WDPCP: variants seen among roughly 807,000 people sequenced by gnomAD.
WDPCP encodes the protein WD repeat containing planar cell polarity effector.
Under a neutral mutation model 93.1 loss-of-function variants are expected in WDPCP, and 71 were observed. That is an observed-to-expected ratio of 0.76 (90% confidence interval 0.63 to 0.93). WDPCP has a LOEUF of 0.93. Among genes scored for constraint, WDPCP ranks in the 40% least tolerant of loss-of-function variants. The pLI is 0.00. For synonymous variants in WDPCP, 315 were observed against 315.0 expected (o/e 1.00, Z 0.00); for missense variants, 844 against 887.4 (o/e 0.95, Z 0.62).
chr2:63,186,783 G>A (rs1279054268), intron 14 of WDPCP, among the ~76,000 whole-genome samples: 2 of 150,318 alleles, frequency 1.3e-5, no homozygotes, highest in Admixed American at 6.6e-5. Context: ...AGCACTATAT[G>A]ACTGTGCACT....
intron 13 of WDPCP, among the ~76,000 whole-genome samples, chr2:63,281,549 T>C (rs1683546463): frequency 6.6e-6 from 1 of 152,136 alleles, no homozygotes; most frequent in African/African-American, 2.4e-5. Flanking sequence ...AGTAGCAAAA[T>C]TTGCAATTGC....
At chr2:63,464,752 G>A (rs559690768) in intron 6 of WDPCP, among the ~76,000 whole-genome samples, 3 of 152,194 alleles carry the variant, frequency 2.0e-5, no homozygotes, top group African/African-American at 7.2e-5. Context: ...GATGAACCTT[G>A]AGGACATTAT....
intron 1 of WDPCP, among the ~76,000 whole-genome samples, chr2:63,532,082 C>T (rs767794723): frequency 2.6e-5 from 4 of 152,056 alleles, no homozygotes; most frequent in African/African-American, 9.7e-5. Context: ...CTTCAGTAGC[C>T]TATTCCATCA....
chr2:63,752,028 A>G, intron 2 of WDPCP: 1 of 626,702 alleles, frequency 1.6e-6, no homozygotes, highest in Admixed American at 1.9e-5. Context: ...AACCAACACC[A>G]AAGTTTCCAG....
At chr2:63,794,996 A>G (rs1308425786) in intron 2 of WDPCP, among the ~76,000 whole-genome samples, 1 of 152,242 alleles carries the variant, frequency 6.6e-6, no homozygotes, top group Non-Finnish European at 1.5e-5. Context: ...GACAAAGTCA[A>G]TATGCTGAAA....
intron 14 of WDPCP, among the ~76,000 whole-genome samples, chr2:63,193,861 C>T (rs781154495): frequency 6.6e-6 from 1 of 152,120 alleles, no homozygotes; most frequent in Non-Finnish European, 1.5e-5. Flanking sequence ...TTTATATGTA[C>T]GTGAAGGTGG....
intron 15 of WDPCP, among the ~76,000 whole-genome samples, chr2:63,163,832 T>C (rs1672791308): frequency 6.6e-6 from 1 of 152,210 alleles, no homozygotes; most frequent in African/African-American, 2.4e-5. Flanking sequence ...ATATTGTTTA[T>C]AGGCACACAC....
chr2:63,779,882 A>G (rs1670363034), intron 2 of WDPCP, among the ~76,000 whole-genome samples: 2 of 152,324 alleles, frequency 1.3e-5, no homozygotes, highest in Admixed American at 6.5e-5. Flanking sequence ...TGTGATACAT[A>G]AGATCTAAAT....
At chr2:63,154,364 G>A (rs992437018) in intron 15 of WDPCP, among the ~76,000 whole-genome samples, 2 of 151,958 alleles carry the variant, frequency 1.3e-5, no homozygotes, top group Non-Finnish European at 2.9e-5. Context: ...CATAACTATA[G>A]TTTTGACTTC....
At chr2:63,819,144 T>C (rs1323792077) in intron 1 of WDPCP, among the ~76,000 whole-genome samples, 1 of 152,210 alleles carries the variant, frequency 6.6e-6, no homozygotes, top group African/African-American at 2.4e-5. Context: ...AATTAGGATA[T>C]GGAGGGCAAA....
At chr2:63,745,274 C>A (rs59016830) in intron 2 of WDPCP, among the ~76,000 whole-genome samples, 1 of 152,062 alleles carries the variant, frequency 6.6e-6, no homozygotes, top group Non-Finnish European at 1.5e-5. Context: ...TCTTAAATAA[C>A]CTTAAGTTTC....
chr2:63,239,615 T>G (rs1679700642), intron 14 of WDPCP, among the ~76,000 whole-genome samples: 1 of 152,204 alleles, frequency 6.6e-6, no homozygotes, highest in Admixed American at 6.5e-5. Flanking sequence ...GAGAATTTTA[T>G]ACATGTAAAA....
intron 2 of WDPCP, among the ~76,000 whole-genome samples, chr2:63,665,561 T>G (rs1010986485): frequency 2.0e-5 from 3 of 152,228 alleles, no homozygotes; most frequent in African/African-American, 7.2e-5. Context: ...ACTGAGATAC[T>G]AGGAGTCAGG....
intron 1 of WDPCP, among the ~76,000 whole-genome samples, chr2:63,544,847 A>G (rs1017834502): frequency 1.3e-5 from 2 of 152,196 alleles, no homozygotes; most frequent in African/African-American, 2.4e-5. Context: ...ATAAATTACC[A>G]TATTATATGA....
intron 2 of WDPCP, among the ~76,000 whole-genome samples, chr2:63,489,699 T>C (rs1700759088): frequency 6.6e-6 from 1 of 151,762 alleles, no homozygotes; most frequent in East Asian, 1.9e-4. Context: ...AATTTAAACA[T>C]CAAAATACAT....
chr2:63,602,018 C>G lies in WDPCP; in HGVS notation n.488+48641G>C, dbSNP rs76354564. Among the ~76,000 whole-genome samples, 24 of 152,330 alleles carry G rather than the reference C, an allele frequency of 1.6e-4. No individual in the cohort carries two copies. In the East Asian group the frequency reaches 4.4e-3, roughly 28 times the overall value. The stretch of plus-strand genomic sequence containing the variant: ...TCCCACAGGCTAAGCAGATCAATAG[C>G]TGGGTACCCCAGAAACCCAACTGTG... On this transcript the variant is annotated intron_variant and non_coding_transcript_variant, in intron 3 of 4. Coordinates refer to the WDPCP transcript ENST00000467687.
In WDPCP at chr2:63,168,273, A is replaced by AT. The variant is rs201448633; in HGVS notation, c.2078+6396dup. On this transcript the variant is annotated intron_variant, in intron 15 of 17. Coordinates refer to ENST00000272321, the MANE Select transcript of WDPCP (RefSeq NM_015910.7). Reference sequence around the variant, plus strand: ...TTTTATCTATGTGAAATTTGCATTAATTTTTTTTTTATTTGTTGGATTTTA... The same window carrying AT: ...TTTTATCTATGTGAAATTTGCATTAATTTTTTTTTTTATTTGTTGGATTTTA... Among the ~76,000 whole-genome samples the AT allele has an allele frequency of 6.2e-4, 93 of 149,558 alleles. 1 individual carries two copies. The highest frequency in any genetic ancestry group is 7.1e-4 in the Non-Finnish European group (48 of 67,194).
intron 1 of WDPCP, among the ~76,000 whole-genome samples, chr2:63,513,012 G>T (rs1159143107): frequency 6.6e-6 from 1 of 152,086 alleles, no homozygotes; most frequent in African/African-American, 2.4e-5. Context: ...GTCTCATGAG[G>T]AAGACAGTAA....
At chr2:63,653,909 C>CAA (rs34250036) in intron 2 of WDPCP, among the ~76,000 whole-genome samples, 79,663 of 133,274 alleles carry the variant, frequency 0.6, 24,022 homozygotes, top group East Asian at 0.89. Flanking sequence ...GACTCCATCT[C>CAA]AAAAAAAAAA....
Sources: gnomAD v4.1 joint callset for allele counts (sites outside exome capture counted in the v4.1 genomes callset) on GRCh38, gnomAD v4.1.1 for gene constraint, MANE v1.5 for transcripts, NCBI Gene and HGNC (gene_info 2026-07-23, HGNC 2026-07-21) for gene names.